The following CKAP2 variants were observed in gnomAD, a reference collection of about 807,000 sequenced individuals.
CKAP2 encodes the protein cytoskeleton associated protein 2.
In CKAP2, 46 loss-of-function variants were observed where a neutral mutation model predicts 58.4. The observed-to-expected ratio is 0.79, with a 90% CI of 0.62 to 1.01. The LOEUF (loss-of-function observed/expected upper bound fraction) is 1.01. Ranked by LOEUF, CKAP2 falls within the 50% of genes least tolerant of loss-of-function variation. The probability of loss-of-function intolerance (pLI) is 0.00; values close to 1 mark genes in which losing one functional copy is unlikely to be tolerated. For synonymous variants in CKAP2, 293 were observed against 280.9 expected (o/e 1.04, Z -0.43); for missense variants, 809 against 796.4 (o/e 1.02, Z -0.19).
chr13:52,474,063 C>T lies in CKAP2; in HGVS notation c.1781C>T (p.Ser594Phe). 1 of 1,612,106 alleles carries T rather than the reference C, an allele frequency of 6.2e-7. No homozygotes were observed. The highest frequency in any genetic ancestry group is 8.5e-7 in the Non-Finnish European group (1 of 1,178,944). ...RTSCLIKYNV[S>F]TTPYLQSVKK... ...AGTTGCTTAATTAAATATAATGTGT[C>T]TACTACGCCATACTTGCAAAGGTAA... The change falls in exon 8 of 9, where the codon TCT becomes TTT. Residue 594 changes from serine to phenylalanine, a missense_variant. By Grantham distance (155) the Ser-to-Phe change is radical (BLOSUM62 -2). Around this residue, in one of 3 missense-constraint regions of CKAP2, gnomAD observed 283 missense variants for 287.6 expected, o/e 0.98. Transcript: ENST00000258607.
At position 52,473,676 on chromosome 13, in the gene CKAP2, C is replaced by T. The variant is rs1413515063; in HGVS notation, c.1547-153C>T. On this transcript the variant is annotated intron_variant, in intron 7 of 8. Coordinates refer to ENST00000258607, the MANE Select transcript of CKAP2 (RefSeq NM_018204.5). ...ATAATAGTATTTGTTATATAGTTGGCAGCAGTATTTGCTGAGGAAAAGGAA... is the reference window on the plus strand; with the variant it reads ...ATAATAGTATTTGTTATATAGTTGGTAGCAGTATTTGCTGAGGAAAAGGAA... 6.8e-6 allele frequency: 4 copies of T among 591,462 alleles called. No homozygotes were observed. In the South Asian group the frequency reaches 7.4e-5, roughly 11 times the overall value. The allele number at this position is 591,462 out of a possible 1,614,324, so 36.6% of individuals were successfully genotyped here.
chr13:52,465,967 A>ATG (rs1566102185), intron 6 of CKAP2: 1,488 of 125,728 alleles, frequency 0.012, 8 homozygotes, highest in African/African-American at 0.026. Context: ...ACACATATAT[A>ATG]CACACATATA....
At chr13:52,455,693 G>T in intron 1 of CKAP2, 67 bp downstream of exon 1, 1 of 1,387,706 alleles carries the variant, frequency 7.2e-7, no homozygotes, top group South Asian at 1.7e-5. Context: ...CCCGGCGGTC[G>T]GGGCTCGGGG....
At chr13:52,465,149 A>G in intron 5 of CKAP2, 146 bp from the exon 6 acceptor site, 1 of 618,216 alleles carries the variant, frequency 1.6e-6, no homozygotes, top group Non-Finnish European at 2.8e-6. Flanking sequence ...TTCATTTTTT[A>G]CTAATAAATT....
In CKAP2 at chr13:52,474,127, G is replaced by C. The variant is rs1248691218; in HGVS notation, c.1802+43G>C. ...ACCATGATTTGTTTTCATGCTTGGA[G>C]ATAATAAATAACGGCATTTAAAAAT... On this transcript the variant is annotated intron_variant, in intron 8 of 8. Coordinates refer to ENST00000258607, the MANE Select transcript of CKAP2 (RefSeq NM_018204.5). The C allele has an allele frequency of 3.2e-6, 5 of 1,554,306 alleles. 1 individual carries two copies. The Admixed American group carries it at 9.6e-5, about 30-fold the overall frequency.
In CKAP2 at chr13:52,474,193, T is replaced by C. The variant is rs982818242; in HGVS notation, c.1802+109T>C. 1.4e-5 allele frequency: 16 copies of C among 1,174,290 alleles called. No homozygotes were observed. In the African/African-American group the frequency reaches 2.3e-4, roughly 17 times the overall value. The allele number at this position is 1,174,290 out of a possible 1,614,324, so 72.7% of individuals were successfully genotyped here. On this transcript the variant is annotated intron_variant, in intron 8 of 8. Transcript: ENST00000258607. ...AGATTACAGCTACCATTTATTAATA[T>C]AGAAATTTCAGTACGGGCATGGTGG...
At chr13:52,460,854 T>C in intron 2 of CKAP2, 45 bp from the exon 3 acceptor site, 1 of 1,538,130 alleles carries the variant, frequency 6.5e-7, no homozygotes, top group South Asian at 1.2e-5. Flanking sequence ...GAAGCCTCCT[T>C]GGTACAGGAT....
At chr13:52,455,994 C>A in intron 1 of CKAP2, 1 of 1,074,978 alleles carries the variant, frequency 9.3e-7, no homozygotes, top group Non-Finnish European at 1.1e-6. Flanking sequence ...GGGTCCTCCG[C>A]CTCTTAGGTC....
At chr13:52,456,488 AAT>A (rs1220644420) in intron 1 of CKAP2, 33 bp from the exon 2 acceptor site, 1 of 1,449,348 alleles carries the variant, frequency 6.9e-7, no homozygotes, top group Non-Finnish European at 9.6e-7. Flanking sequence ...TGTTTTAACT[AAT>A]ATTGACTTGT....
At chr13:52,455,775 C>G in intron 1 of CKAP2, 149 bp downstream of exon 1, 1 of 992,060 alleles carries the variant, frequency 1.0e-6, no homozygotes, top group Non-Finnish European at 1.4e-6. Context: ...CGCCCTGCCT[C>G]ATTCTTGGCC....
Position 52,461,778 on chromosome 13 carries a change from G to A in CKAP2, c.952G>A (p.Ala318Thr). ...AAATAAGACTCTATCAAGATCCATA[G>A]CATCTGAAGTTATAGCCAGGCCTGC... is the stretch of plus-strand genomic sequence containing the variant. ...IRNKTLSRSI[A>T]SEVIARPASL... The change falls in exon 4 of 9, where the codon GCA becomes ACA. Residue 318 changes from alanine to threonine, a missense_variant. Ala to Thr is a moderately conservative substitution (Grantham distance 58, BLOSUM62 0). This residue lies in a region of CKAP2 where 523 missense variants were observed against 492.4 expected (regional missense o/e 1.06). Coordinates refer to ENST00000258607, the MANE Select transcript of CKAP2 (RefSeq NM_018204.5). 6.2e-7 allele frequency: 1 copy of A among 1,614,034 alleles called. No homozygotes were observed.
intron 7 of CKAP2, among the ~76,000 whole-genome samples, chr13:52,470,548 C>CAT (rs1186460817): frequency 6.6e-6 from 1 of 151,818 alleles, no homozygotes; most frequent in Non-Finnish European, 1.5e-5. Flanking sequence ...AATCAAAGAG[C>CAT]ATACTAAAGT....
chr13:52,459,400 G>A (rs567253388), intron 2 of CKAP2, among the ~76,000 whole-genome samples: 17 of 152,082 alleles, frequency 1.1e-4, no homozygotes, highest in Non-Finnish European at 2.5e-4. Context: ...TCAGCTCACT[G>A]CAACCTCTGC....
intron 2 of CKAP2, among the ~76,000 whole-genome samples, chr13:52,457,328 C>T (rs1958503439): frequency 6.6e-6 from 1 of 152,164 alleles, no homozygotes; most frequent in Non-Finnish European, 1.5e-5. Flanking sequence ...TATTATTTAG[C>T]AAAGCTTTTT....
intron 7 of CKAP2, among the ~76,000 whole-genome samples, chr13:52,470,874 T>A (rs1246253102): frequency 6.6e-6 from 1 of 152,092 alleles, no homozygotes; most frequent in East Asian, 1.9e-4. Flanking sequence ...AATAACCCAG[T>A]CCTGGCCGGG....
intron 4 of CKAP2, 42 bp from the exon 5 acceptor site, chr13:52,462,318 TGTC>T: frequency 6.5e-7 from 1 of 1,527,428 alleles, no homozygotes; most frequent in South Asian, 1.2e-5. Flanking sequence ...GACAGAGTTC[TGTC>T]AGCAATTTCA....
chr13:52,458,998 T>A (rs970945391), intron 2 of CKAP2, among the ~76,000 whole-genome samples: 2 of 152,216 alleles, frequency 1.3e-5, no homozygotes. Context: ...ATAGATATCC[T>A]AAGACTCATT....
chr13:52,465,645 T>G, intron 6 of CKAP2, 180 bp downstream of exon 6: 1 of 658,278 alleles, frequency 1.5e-6, no homozygotes, highest in South Asian at 1.7e-5. Context: ...AGTCTTTTAT[T>G]CCTGTATTGG....
chr13:52,471,612 A>G (rs1169379662), intron 7 of CKAP2, among the ~76,000 whole-genome samples: 1 of 152,000 alleles, frequency 6.6e-6, no homozygotes, highest in Non-Finnish European at 1.5e-5. Context: ...TTTCCCCTAA[A>G]CCTGATTATT....
Sources: gnomAD v4.1 joint callset for allele counts (sites outside exome capture counted in the v4.1 genomes callset) on GRCh38, gnomAD v4.1.1 for gene constraint, gnomAD v4.1.1 regional missense constraint, MANE v1.5 for transcripts, NCBI Gene and HGNC (gene_info 2026-07-23, HGNC 2026-07-21) for gene names.